PCNX2: variants seen among roughly 807,000 people sequenced by gnomAD.
PCNX2 encodes the protein pecanex 2.
Under a neutral mutation model 223.8 loss-of-function variants are expected in PCNX2, and 168 were observed. That is an observed-to-expected ratio of 0.75 (90% CI 0.66 to 0.85). The LOEUF (loss-of-function observed/expected upper bound fraction) is 0.85, where lower values mean the gene tolerates loss of function less well. Ranked by LOEUF, PCNX2 falls within the 40% of genes least tolerant of loss-of-function variation. PCNX2 has a pLI of 0.00. For synonymous variants in PCNX2, 1,006 were observed against 1,052.6 expected, an observed-to-expected ratio of 0.96 and a Z score of 0.86; for missense variants, 2,507 against 2,675.5, an observed-to-expected ratio of 0.94 and a Z score of 1.39.
intron 28 of PCNX2, among the ~76,000 whole-genome samples, chr1:233,009,702 T>A (rs953862643): frequency 2.0e-5 from 3 of 152,182 alleles, no homozygotes; most frequent in African/African-American, 7.2e-5. Context: ...ATCCAAGATC[T>A]AGAGAGTCCA....
At chr1:233,072,947 T>C (rs1231748074) in intron 23 of PCNX2, among the ~76,000 whole-genome samples, 2 of 152,270 alleles carry the variant, frequency 1.3e-5, no homozygotes, top group Non-Finnish European at 2.9e-5. Flanking sequence ...GATTTGAGAA[T>C]AATTGGTGTT....
intron 1 of PCNX2, among the ~76,000 whole-genome samples, chr1:233,278,281 C>T (rs1661016429): frequency 6.6e-6 from 1 of 152,162 alleles, no homozygotes; most frequent in African/African-American, 2.4e-5. Context: ...ACTGTGCCTG[C>T]CTCAGGAGCC....
intron 28 of PCNX2, among the ~76,000 whole-genome samples, chr1:233,008,439 C>A (rs1189452966): frequency 1.3e-5 from 2 of 152,160 alleles, no homozygotes; most frequent in Non-Finnish European, 2.9e-5. Context: ...TTGTCTCTTG[C>A]CCTCATTGTC....
At position 233,000,221 on chromosome 1, in the gene PCNX2, G is replaced by A; in HGVS notation, c.5328+84C>T. On this transcript the variant is annotated intron_variant, in intron 30 of 33. Coordinates refer to ENST00000258229, the MANE Select transcript of PCNX2 (RefSeq NM_014801.4). The surrounding 1 kb of genome is among the most constrained non-coding windows in gnomAD (Gnocchi z 4.6). ...CTGGCACAGAGACTCCTGTGTCAGT[G>A]CCCCCCTGCCCACCACCATTCTATT... The A allele has an allele frequency of 7.7e-7, 1 of 1,300,528 alleles. No individual in the cohort carries two copies. 80.6% of individuals were successfully genotyped at this position (1,300,528 alleles called of 1,614,324 possible).
intron 15 of PCNX2, among the ~76,000 whole-genome samples, chr1:233,186,730 T>C (rs1414892475): frequency 6.6e-6 from 1 of 152,226 alleles, no homozygotes; most frequent in Non-Finnish European, 1.5e-5. Context: ...ACTGTTTTCT[T>C]CATTTTGGTG....
At chr1:233,269,464 G>A (rs1041864069) in intron 1 of PCNX2, among the ~76,000 whole-genome samples, 1 of 152,094 alleles carries the variant, frequency 6.6e-6, no homozygotes, top group Non-Finnish European at 1.5e-5. Context: ...AAAAGCAAAG[G>A]CACTTCTCCA....
intron 17 of PCNX2, among the ~76,000 whole-genome samples, chr1:233,163,016 T>C (rs1678584353): frequency 6.6e-6 from 1 of 152,160 alleles, no homozygotes; most frequent in African/African-American, 2.4e-5. Context: ...TTGGATGATA[T>C]ATGGGAATTC....
chr1:233,135,274 T>C (rs74145056), intron 20 of PCNX2, 84 bp from the exon 21 acceptor site: 4 of 1,385,108 alleles, frequency 2.9e-6, no homozygotes, highest in Middle Eastern at 1.9e-4. Context: ...TTCTCCAGGA[T>C]TGATGGTTCA....
chr1:233,326,670 T>G, the PCNX2 span, among the ~76,000 whole-genome samples: 481 of 152,318 alleles, frequency 3.2e-3, 3 homozygotes, highest in African/African-American at 0.011. Flanking sequence ...GTATGTCCTA[T>G]CCTCATAATA....
At chr1:233,113,408 C>T (rs754747187) in intron 21 of PCNX2, among the ~76,000 whole-genome samples, 2 of 152,144 alleles carry the variant, frequency 1.3e-5, no homozygotes, top group African/African-American at 4.8e-5. Flanking sequence ...TGCTTCTCCC[C>T]GTACTCCCTT....
At chr1:233,064,572 T>G (rs1373777315) in intron 23 of PCNX2, among the ~76,000 whole-genome samples, 1 of 152,168 alleles carries the variant, frequency 6.6e-6, no homozygotes, top group Non-Finnish European at 1.5e-5. Flanking sequence ...GCATAGATTT[T>G]AAAATGTCAG....
intron 15 of PCNX2, among the ~76,000 whole-genome samples, chr1:233,184,308 G>A (rs865878753): frequency 1.3e-5 from 2 of 152,010 alleles, no homozygotes; most frequent in Non-Finnish European, 2.9e-5. Flanking sequence ...GAATTGTTCT[G>A]TGGAAGGCAC....
chr1:233,244,275 A>G (rs1202900616), intron 8 of PCNX2, among the ~76,000 whole-genome samples: 4 of 152,248 alleles, frequency 2.6e-5, no homozygotes, highest in African/African-American at 9.6e-5. Flanking sequence ...TTGAACCCAG[A>G]TAAGTCCGAG....
chr1:233,087,410 G>A (rs555305160), intron 23 of PCNX2, among the ~76,000 whole-genome samples: 4 of 152,084 alleles, frequency 2.6e-5, no homozygotes, highest in Non-Finnish European at 5.9e-5. Context: ...TTAAAGTGAT[G>A]GAACAACTAG....
At chr1:233,261,160 A>G in intron 4 of PCNX2, 125 bp downstream of exon 4, 1 of 838,930 alleles carries the variant, frequency 1.2e-6, no homozygotes, top group East Asian at 2.6e-5. Flanking sequence ...AAGTCAAAAT[A>G]TAACTATGCA....
intron 21 of PCNX2, among the ~76,000 whole-genome samples, chr1:233,123,853 T>G (rs1253218526): frequency 6.6e-6 from 1 of 152,178 alleles, no homozygotes; most frequent in Admixed American, 6.5e-5. Context: ...ATCATGGGCA[T>G]AGTTCACTGA....
intron 25 of PCNX2, among the ~76,000 whole-genome samples, chr1:233,034,166 C>T (rs1001932252): frequency 3.3e-5 from 5 of 152,128 alleles, no homozygotes; most frequent in Non-Finnish European, 7.4e-5. Flanking sequence ...GAGCCGAGAT[C>T]GTGCCGCTGC....
chr1:233,014,962 GA>G (rs928265986), intron 27 of PCNX2, among the ~76,000 whole-genome samples, 185 bp from the exon 28 acceptor site: 1 of 150,598 alleles, frequency 6.6e-6, no homozygotes, highest in Non-Finnish European at 1.5e-5. Flanking sequence ...GTTGGACACG[GA>G]AAAAAAAATA....
rs1678452465 is a variant in PCNX2, at chr1:233,161,195, C to G, written c.3366+76G>C. The G allele has an allele frequency of 4.4e-6, 6 of 1,357,992 alleles. No homozygotes were observed. In the Admixed American group the frequency reaches 7.5e-5, roughly 17 times the overall value. 84.1% of individuals were successfully genotyped at this position (1,357,992 alleles called of 1,614,324 possible). On this transcript the variant is annotated intron_variant, in intron 18 of 33. Coordinates refer to ENST00000258229, the MANE Select transcript of PCNX2 (RefSeq NM_014801.4). ...CTCTGGCTCACGTGTCTTGTCAATA[C>G]CCTGTAGCTCCATGACAGCTTTGTT...
Sources: gnomAD v4.1 joint callset for allele counts (sites outside exome capture counted in the v4.1 genomes callset) on GRCh38, gnomAD v4.1.1 for gene constraint, Gnocchi (gnomAD v3.1) non-coding constraint, MANE v1.5 for transcripts, NCBI Gene and HGNC (gene_info 2026-07-23, HGNC 2026-07-21) for gene names.